Variants in MARCHF8 observed in about 807,000 individuals in gnomAD.
The protein encoded by MARCHF8 is membrane associated ring-CH-type finger 8.
MARCHF8 carries 40 observed loss-of-function variants against 51.6 expected under a neutral mutation model. The ratio of observed to expected loss-of-function variants is 0.77; its 90% CI spans 0.60 to 1.01. MARCHF8 has a LOEUF of 1.01. Ranked by LOEUF, MARCHF8 falls within the 50% of genes least tolerant of loss-of-function variation. The probability of loss-of-function intolerance (pLI) is 0.00; values close to 1 mark genes in which losing one functional copy is unlikely to be tolerated. For missense variants in MARCHF8, 685 were observed against 708.6 expected (o/e 0.97, Z 0.38); for synonymous variants, 263 against 280.3 (o/e 0.94, Z 0.62).
chr10:45,584,126 C>CATATATATATAT (rs55978063), intron 1 of MARCHF8, among the ~76,000 whole-genome samples: 55 of 85,350 alleles, frequency 6.4e-4, no homozygotes, highest in South Asian at 2.6e-3. Context: ...TATATACAAT[C>CATATATATATAT]ATATATATAT....
chr10:45,517,225 A>G (rs2043634205), intron 2 of MARCHF8, among the ~76,000 whole-genome samples: 1 of 152,228 alleles, frequency 6.6e-6, no homozygotes, highest in Non-Finnish European at 1.5e-5. Context: ...GAACAATTCT[A>G]CCGATGTTTT....
chr10:45,499,063 C>T (rs1197659542), intron 2 of MARCHF8, among the ~76,000 whole-genome samples: 2 of 152,164 alleles, frequency 1.3e-5, no homozygotes, highest in African/African-American at 2.4e-5. Flanking sequence ...TTTTACATTC[C>T]TATTAGCAGT....
chr10:45,564,042 G>A (rs773690047), intron 1 of MARCHF8, among the ~76,000 whole-genome samples: 1 of 152,180 alleles, frequency 6.6e-6, no homozygotes, highest in African/African-American at 2.4e-5. Flanking sequence ...TTGGGAGGCC[G>A]TGGCAGGTGG....
At chr10:45,482,286 T>A (rs933511225) in intron 3 of MARCHF8, among the ~76,000 whole-genome samples, 59 of 152,316 alleles carry the variant, frequency 3.9e-4, no homozygotes, top group African/African-American at 1.3e-3. Context: ...AATGTCAATG[T>A]CATTTTACAC....
chr10:45,559,609 T>C (rs1161318289), intron 1 of MARCHF8, among the ~76,000 whole-genome samples: 3 of 152,260 alleles, frequency 2.0e-5, no homozygotes, highest in South Asian at 2.1e-4. Flanking sequence ...TTTCATTTAA[T>C]TGAAGATGCT....
intron 3 of MARCHF8, among the ~76,000 whole-genome samples, chr10:45,486,832 G>A (rs976953386): frequency 2.8e-5 from 4 of 141,446 alleles, no homozygotes; most frequent in African/African-American, 5.4e-5. Context: ...TTTTTGAGAC[G>A]GAGTTTTGCT....
Position 45,455,280 on chromosome 10 carries a change from C to A in MARCHF8, c.*2959G>T, listed in dbSNP as rs1169663993. Reference sequence around the variant, plus strand: ...ATTAGAGGCCTACAGTAGGAAGAGACCTTTTATAGAGTTTTCAGGAAATTC... The same window carrying A: ...ATTAGAGGCCTACAGTAGGAAGAGAACTTTTATAGAGTTTTCAGGAAATTC... On this transcript the variant is annotated 3_prime_UTR_variant, in exon 8 of 8. Transcript: ENST00000453424. 1.3e-5 allele frequency: 2 copies of A among 152,200 alleles called. No individual in the cohort carries two copies. The highest frequency in any genetic ancestry group is 4.8e-5 in the African/African-American group (2 of 41,424). 9.4% of individuals were successfully genotyped at this position (152,200 alleles called of 1,614,324 possible).
chr10:45,535,045 C>T (rs1441386691), intron 1 of MARCHF8, among the ~76,000 whole-genome samples, 166 bp downstream of exon 1: 1 of 151,964 alleles, frequency 6.6e-6, no homozygotes, highest in Non-Finnish European at 1.5e-5. Flanking sequence ...ATAATAACAA[C>T]AAAAAAAGGA....
At chr10:45,565,039 A>G (rs887422665) in intron 1 of MARCHF8, among the ~76,000 whole-genome samples, 13 of 152,152 alleles carry the variant, frequency 8.5e-5, no homozygotes, top group Admixed American at 7.9e-4. Flanking sequence ...ATAAATATAA[A>G]GAACTATTTT....
chr10:45,592,447 T>C (rs564595120), intron 1 of MARCHF8, among the ~76,000 whole-genome samples: 7 of 152,248 alleles, frequency 4.6e-5, no homozygotes, highest in African/African-American at 1.7e-4. Flanking sequence ...ACAGGTAGGG[T>C]TGTAAAGTGT....
chr10:45,493,483 G>T (rs1044788354), intron 2 of MARCHF8, among the ~76,000 whole-genome samples: 1 of 152,142 alleles, frequency 6.6e-6, no homozygotes, highest in African/African-American at 2.4e-5. Flanking sequence ...CATCTCTCTG[G>T]TGGGCTCTTT....
chr10:45,566,138 C>G lies in MARCHF8; in HGVS notation c.-79+28097G>C, dbSNP rs554277997. On this transcript the variant is annotated intron_variant, in intron 1 of 6. Coordinates refer to the MARCHF8 transcript ENST00000319836. ...TGAACAGACTGGAAAAGAACCCTTT[C>G]TTAGATTTCTGTGGGCACACAGTAG... Among the ~76,000 whole-genome samples the G allele has an allele frequency of 2.0e-5, 3 of 152,222 alleles. No homozygotes were observed. In the East Asian group the frequency reaches 5.8e-4, roughly 29 times the overall value.
intron 2 of MARCHF8, among the ~76,000 whole-genome samples, chr10:45,528,369 C>G (rs2043824277): frequency 6.6e-6 from 1 of 152,202 alleles, no homozygotes. Flanking sequence ...TCCTCCAAAA[C>G]ACTCGTAAAT....
intron 2 of MARCHF8, among the ~76,000 whole-genome samples, chr10:45,518,944 C>A (rs1266216132): frequency 6.6e-6 from 1 of 152,162 alleles, no homozygotes; most frequent in Non-Finnish European, 1.5e-5. Context: ...GACCTAGTAA[C>A]ACCTTCGTAA....
In MARCHF8 at chr10:45,483,433, G is replaced by A. The variant is rs543888725; in HGVS notation, c.153+5934C>T. On this transcript the variant is annotated intron_variant, in intron 3 of 7. Transcript: ENST00000453424. ...GGGAATAACAGATGTTGGTGAGGAT[G>A]CAGAGAAAAGGGAACTCTTATGTAT... Among the ~76,000 whole-genome samples, 248 of 152,330 alleles carry A rather than the reference G, an allele frequency of 1.6e-3. 1 individual carries two copies. The highest frequency in any genetic ancestry group is 5.3e-3 in the African/African-American group (219 of 41,576).
intron 1 of MARCHF8, among the ~76,000 whole-genome samples, chr10:45,558,008 G>A (rs984469583): frequency 2.6e-5 from 4 of 152,304 alleles, no homozygotes; most frequent in East Asian, 1.9e-4. Context: ...TCAATGATCA[G>A]TATCAGTGAC....
intron 1 of MARCHF8, among the ~76,000 whole-genome samples, chr10:45,588,282 A>T (rs2044639612): frequency 6.6e-6 from 1 of 152,244 alleles, no homozygotes. Context: ...ACTGAAGAAC[A>T]GAAATATTCA....
At chr10:45,557,057 G>T (rs1467378143) in intron 1 of MARCHF8, among the ~76,000 whole-genome samples, 2 of 145,474 alleles carry the variant, frequency 1.4e-5, no homozygotes, top group East Asian at 2.1e-4. Context: ...CAGATATCCA[G>T]AATTTTTTCA....
chr10:45,484,413 G>A (rs745747280), intron 3 of MARCHF8, among the ~76,000 whole-genome samples: 27 of 152,150 alleles, frequency 1.8e-4, no homozygotes, highest in Non-Finnish European at 3.7e-4. Flanking sequence ...GATGCATGGC[G>A]ATTTCATGGG....
Sources: gnomAD v4.1 joint callset for allele counts (sites outside exome capture counted in the v4.1 genomes callset) on GRCh38, gnomAD v4.1.1 for gene constraint, MANE v1.5 for transcripts, NCBI Gene and HGNC (gene_info 2026-07-23, HGNC 2026-07-21) for gene names.